Variants in DLGAP2 observed in about 807,000 individuals in gnomAD.
DLGAP2 encodes the protein disks large-associated protein 2.
A neutral mutation model predicts 100.3 loss-of-function variants in DLGAP2; 26 were observed. The ratio of observed to expected loss-of-function variants is 0.26; its 90% CI spans 0.19 to 0.36. DLGAP2 has a LOEUF of 0.36. Among genes scored for constraint, DLGAP2 ranks in the 10% least tolerant of loss-of-function variants. The pLI, the probability that DLGAP2 is intolerant of heterozygous loss-of-function variation, is 1.00. For synonymous variants in DLGAP2, 886 were observed against 630.1 expected (o/e 1.41, Z -6.08); for missense variants, 1,858 against 1,453.2 (o/e 1.28, Z -4.53).
intron 2 of DLGAP2, among the ~76,000 whole-genome samples, chr8:1,193,031 C>T (rs979679993): frequency 6.6e-6 from 1 of 152,094 alleles, no homozygotes; most frequent in African/African-American, 2.4e-5. Flanking sequence ...CATAGTATTC[C>T]ATGGTGTATA....
chr8:737,873 G>A, intron 1 of DLGAP2, 48 bp downstream of exon 1: 1 of 373,060 alleles, frequency 2.7e-6, no homozygotes. Flanking sequence ...GGCTCCGAGA[G>A]CCGTCGAGGC....
At chr8:1,002,288 G>C (rs772049131) in intron 2 of DLGAP2, 1 of 152,118 alleles carries the variant, frequency 6.6e-6, no homozygotes, top group Non-Finnish European at 1.5e-5. Flanking sequence ...GACTTCCTCC[G>C]GGGTCTGTGA....
chr8:1,346,835 A>C (rs577058400), intron 3 of DLGAP2, among the ~76,000 whole-genome samples: 1 of 147,052 alleles, frequency 6.8e-6, no homozygotes, highest in Non-Finnish European at 1.5e-5. Flanking sequence ...ACAGAGCTGC[A>C]TTGCACTCAT....
intron 3 of DLGAP2, 142 bp from the exon 4 acceptor site, chr8:1,501,224 C>T: frequency 1.2e-6 from 1 of 856,994 alleles, no homozygotes; most frequent in African/African-American, 1.7e-5. Flanking sequence ...ATGCTGGGCT[C>T]TGAGCGGTGA....
At chr8:1,162,984 C>G (rs1796920769) in intron 2 of DLGAP2, among the ~76,000 whole-genome samples, 2 of 152,184 alleles carry the variant, frequency 1.3e-5, no homozygotes. Context: ...GCACCTGAGG[C>G]CCTCAAGGAA....
chr8:1,641,668 G>T (rs1797902645), intron 8 of DLGAP2, among the ~76,000 whole-genome samples: 1 of 152,072 alleles, frequency 6.6e-6, no homozygotes, highest in African/African-American at 2.4e-5. Flanking sequence ...AGTCCAGTGA[G>T]GACTTCCACA....
At chr8:941,962 T>C (rs1441907756) in intron 2 of DLGAP2, among the ~76,000 whole-genome samples, 1 of 152,142 alleles carries the variant, frequency 6.6e-6, no homozygotes, top group Non-Finnish European at 1.5e-5. Flanking sequence ...TGATGCATCA[T>C]CAGTGGGAAT....
chr8:1,000,423 A>G (rs1800918034), intron 2 of DLGAP2, among the ~76,000 whole-genome samples: 2 of 142,162 alleles, frequency 1.4e-5, no homozygotes, highest in Admixed American at 7.2e-5. Flanking sequence ...GATTTTCTCT[A>G]GAGCAGACAG....
intron 2 of DLGAP2, among the ~76,000 whole-genome samples, chr8:1,151,429 G>T (rs1796694853): frequency 6.6e-6 from 1 of 152,198 alleles, no homozygotes; most frequent in Admixed American, 6.5e-5. Context: ...CAGAGGAAAA[G>T]GACCTTTGGC....
chr8:1,202,241 AGTGTGTGTGTGTGT>A lies in DLGAP2; in HGVS notation c.74-56591_74-56578del, dbSNP rs36230610. Among the ~76,000 whole-genome samples the A allele has an allele frequency of 6.7e-3, 1,004 of 149,268 alleles. 11 individuals are homozygous for A. Among genetic ancestry groups the A allele is most frequent in the African/African-American group, 0.023 (937 of 40,492 alleles). ...GCATGTATTCTGTATGTATAGATGC[AGTGTGTGTGTGTGT>A]GTGTGTGTGTGTGTGTGTCTGTGGT... On this transcript the variant is annotated intron_variant, in intron 2 of 14. Coordinates refer to ENST00000637795, the MANE Select transcript of DLGAP2 (RefSeq NM_001346810.2).
chr8:1,479,823 C>G (rs1584942480), intron 3 of DLGAP2, among the ~76,000 whole-genome samples: 2 of 152,268 alleles, frequency 1.3e-5, no homozygotes, highest in Admixed American at 1.3e-4. Context: ...TATGAATAGC[C>G]AACAGAATTT....
chr8:1,171,229 G>A (rs1262668480), intron 2 of DLGAP2, among the ~76,000 whole-genome samples: 1 of 152,130 alleles, frequency 6.6e-6, no homozygotes, highest in Admixed American at 6.5e-5. Context: ...TAGTTTGATT[G>A]CACTGTGGTC....
At chr8:1,410,696 T>C (rs74388125) in intron 3 of DLGAP2, among the ~76,000 whole-genome samples, 8,110 of 152,264 alleles carry the variant, frequency 0.053, 510 homozygotes, top group East Asian at 0.25. Context: ...GGACACCCCA[T>C]GGGCCTGCGT....
intron 3 of DLGAP2, among the ~76,000 whole-genome samples, chr8:1,286,408 C>G (rs1799922248): frequency 6.6e-6 from 1 of 152,156 alleles, no homozygotes; most frequent in African/African-American, 2.4e-5. Context: ...AATCGAAATG[C>G]AAAGAGAATG....
chr8:1,413,600 T>A (rs1796794024), intron 3 of DLGAP2, among the ~76,000 whole-genome samples: 2 of 152,228 alleles, frequency 1.3e-5, no homozygotes, highest in Admixed American at 1.3e-4. Context: ...ACATGAGATG[T>A]TCGAAGGCCC....
intron 4 of DLGAP2, among the ~76,000 whole-genome samples, chr8:1,538,056 G>A (rs1295608230): frequency 1.3e-5 from 2 of 152,192 alleles, no homozygotes; most frequent in African/African-American, 4.8e-5. Context: ...ATTTGAGGAT[G>A]AGAAGCTGGC....
intron 2 of DLGAP2, among the ~76,000 whole-genome samples, chr8:1,233,295 C>T (rs980910749): frequency 6.6e-6 from 1 of 152,210 alleles, no homozygotes; most frequent in East Asian, 1.9e-4. Flanking sequence ...CTACCTTTCA[C>T]TGAATATTTG....
intron 1 of DLGAP2, among the ~76,000 whole-genome samples, chr8:756,875 A>G (rs1209039079): frequency 6.6e-6 from 1 of 152,066 alleles, no homozygotes; most frequent in Non-Finnish European, 1.5e-5. Context: ...CATTTTTATC[A>G]TGTCACTTCT....
intron 2 of DLGAP2, among the ~76,000 whole-genome samples, chr8:1,242,129 C>T (rs1381281470): frequency 6.6e-6 from 1 of 152,180 alleles, no homozygotes; most frequent in Non-Finnish European, 1.5e-5. Context: ...AACAGAAATC[C>T]CATAGCTTAT....
Sources: gnomAD v4.1 joint callset for allele counts (sites outside exome capture counted in the v4.1 genomes callset) on GRCh38, gnomAD v4.1.1 for gene constraint, MANE v1.5 for transcripts, NCBI Gene and HGNC (gene_info 2026-07-23, HGNC 2026-07-21) for gene names.